ATE1: variants seen among roughly 807,000 people sequenced by gnomAD.
ATE1 encodes arginyltransferase 1.
ATE1 carries 36 observed loss-of-function variants against 70.5 expected under a neutral mutation model. That is an observed-to-expected ratio of 0.51 (90% CI 0.39 to 0.67). The LOEUF (loss-of-function observed/expected upper bound fraction) is 0.67. Among genes scored for constraint, ATE1 ranks in the 30% least tolerant of loss-of-function variants. The probability of loss-of-function intolerance (pLI) is 0.00; values close to 1 mark genes in which losing one functional copy is unlikely to be tolerated. For synonymous variants in ATE1, 232 were observed against 219.3 expected, an observed-to-expected ratio of 1.06 and a Z score of -0.51; for missense variants, 593 against 629.5, an observed-to-expected ratio of 0.94 and a Z score of 0.62.
At chr10:121,762,047 T>C (rs1207496303) in intron 11 of ATE1, among the ~76,000 whole-genome samples, 1 of 152,200 alleles carries the variant, frequency 6.6e-6, no homozygotes, top group East Asian at 1.9e-4. Context: ...CTTCACTCTG[T>C]TCACTGAAGT....
chr10:121,839,223 G>C (rs1260308285), intron 9 of ATE1, among the ~76,000 whole-genome samples: 4 of 152,254 alleles, frequency 2.6e-5, no homozygotes, highest in African/African-American at 9.6e-5. Context: ...TATTTGCAGG[G>C]ATATACAAGG....
rs1207161454 is a variant in ATE1 at position 121,922,373 on chromosome 10, G to A, written c.209C>T (p.Thr70Ile). 1 of 1,598,966 alleles carries A rather than the reference G, an allele frequency of 6.3e-7. No individual in the cohort carries two copies. The highest frequency in any genetic ancestry group is 1.7e-5 in the Admixed American group (1 of 59,606). ...KYVYKPVMNQ[T>I]CCPQYTIRCR... ...CCTTATTGTGTACTGAGGACAACAT[G>A]TTTGATTCATGACAGGTTTGTACAC... Residue 70 changes from threonine to isoleucine, a missense_variant, in exon 3 of 12, where the codon ACA becomes ATA. By Grantham distance (89) the Thr-to-Ile change is moderately conservative. Around this residue, in one of 3 missense-constraint regions of ATE1, gnomAD observed 467 missense variants for 469.6 expected, o/e 0.99. Transcript: ENST00000224652.
intron 8 of ATE1, among the ~76,000 whole-genome samples, chr10:121,858,034 G>C (rs1433246955): frequency 6.6e-6 from 1 of 152,110 alleles, no homozygotes; most frequent in Non-Finnish European, 1.5e-5. Context: ...TCCTTTTTAA[G>C]GCTGAATAAT....
intron 8 of ATE1, among the ~76,000 whole-genome samples, chr10:121,853,218 G>A (rs1949121298): frequency 6.6e-6 from 1 of 151,964 alleles, no homozygotes; most frequent in East Asian, 1.9e-4. Flanking sequence ...CAAAAAATTA[G>A]CCGGGCATGG....
chr10:121,913,386 T>C (rs951446961), intron 4 of ATE1, among the ~76,000 whole-genome samples: 2 of 152,244 alleles, frequency 1.3e-5, no homozygotes, highest in African/African-American at 2.4e-5. Flanking sequence ...CTGATCTTTA[T>C]TCAGCATTAA....
intron 11 of ATE1, among the ~76,000 whole-genome samples, chr10:121,767,877 T>C (rs1453630148): frequency 6.6e-6 from 1 of 152,166 alleles, no homozygotes; most frequent in Non-Finnish European, 1.5e-5. Context: ...TCTAGGAGTA[T>C]ATACAAAAGA....
At chr10:121,921,282 C>A (rs976630186) in intron 3 of ATE1, among the ~76,000 whole-genome samples, 2 of 151,654 alleles carry the variant, frequency 1.3e-5, no homozygotes, top group African/African-American at 4.8e-5. Flanking sequence ...TGTCTGAGTA[C>A]CCAAGGTTTA....
In ATE1 at chr10:121,811,874, G is replaced by T. The variant is rs115389301; in HGVS notation, c.1258-21585C>A. Reference sequence around the variant, plus strand: ...TGAGAGCTAGGGGCAATGTAACTACGTGGTGCTATACTGGAATATAAGACC... The same window carrying T: ...TGAGAGCTAGGGGCAATGTAACTACTTGGTGCTATACTGGAATATAAGACC... On this transcript the variant is annotated intron_variant, in intron 10 of 11. Coordinates refer to ENST00000224652, the MANE Select transcript of ATE1 (RefSeq NM_001001976.3). Among the ~76,000 whole-genome samples the T allele has an allele frequency of 2.4e-3, 362 of 151,650 alleles. 3 individuals carry two copies. Among genetic ancestry groups the T allele is most frequent in the African/African-American group, 8.3e-3 (345 of 41,328 alleles).
intron 7 of ATE1, chr10:121,898,726 G>A: frequency 8.1e-7 from 1 of 1,235,000 alleles, no homozygotes; most frequent in Non-Finnish European, 1.1e-6. Flanking sequence ...AGTGTTCACA[G>A]AAGTTCAGTA....
intron 10 of ATE1, among the ~76,000 whole-genome samples, chr10:121,830,275 A>T (rs555619199): frequency 6.6e-6 from 1 of 152,126 alleles, no homozygotes; most frequent in South Asian, 2.1e-4. Flanking sequence ...ATCATGGGAG[A>T]ACTGCCCTCG....
In ATE1 at chr10:121,800,716, G is replaced by A. The variant is rs755693546; in HGVS notation, c.1258-10427C>T. Among the ~76,000 whole-genome samples the A allele has an allele frequency of 2.6e-5, 4 of 152,114 alleles. No homozygotes were observed. The South Asian group carries it at 6.2e-4, about 24-fold the overall frequency. Reference sequence around the variant, plus strand: ...TTTAAGTCTTTTATCATGTAAAGTTGACACTAGTATCCCAATTTTCTACAA... The same window carrying A: ...TTTAAGTCTTTTATCATGTAAAGTTAACACTAGTATCCCAATTTTCTACAA... On this transcript the variant is annotated intron_variant, in intron 10 of 11. Transcript: ENST00000224652.
chr10:121,837,303 A>G (rs1285912885), intron 9 of ATE1, among the ~76,000 whole-genome samples: 3 of 152,222 alleles, frequency 2.0e-5, no homozygotes, highest in Non-Finnish European at 4.4e-5. Flanking sequence ...CACAACTTTA[A>G]TATTTATTTC....
chr10:121,823,311 A>T (rs1157412708), intron 10 of ATE1, among the ~76,000 whole-genome samples: 2 of 152,078 alleles, frequency 1.3e-5, no homozygotes, highest in Non-Finnish European at 2.9e-5. Flanking sequence ...AAAACAAAAC[A>T]AAACAAAACA....
intron 5 of ATE1, among the ~76,000 whole-genome samples, chr10:121,904,954 CAAA>C (rs1371493954): frequency 6.6e-6 from 1 of 152,122 alleles, no homozygotes. Flanking sequence ...AACCAGGTAA[CAAA>C]AGACCATTTC....
At chr10:121,873,887 T>C (rs552037876) in intron 7 of ATE1, among the ~76,000 whole-genome samples, 61 of 151,390 alleles carry the variant, frequency 4.0e-4, no homozygotes, top group Non-Finnish European at 7.7e-4. Flanking sequence ...ATAAATAACA[T>C]TTTTTTTTCC....
intron 9 of ATE1, among the ~76,000 whole-genome samples, chr10:121,840,102 A>T (rs1306285304): frequency 6.6e-6 from 1 of 152,194 alleles, no homozygotes; most frequent in African/African-American, 2.4e-5. Context: ...AAACAGAAAT[A>T]AATAGAGAAA....
At chr10:121,845,416 C>G (rs1948780521) in intron 8 of ATE1, among the ~76,000 whole-genome samples, 1 of 152,108 alleles carries the variant, frequency 6.6e-6, no homozygotes, top group Admixed American at 6.5e-5. Flanking sequence ...TTTAAAAAAT[C>G]ATTTAGGAGT....
intron 10 of ATE1, among the ~76,000 whole-genome samples, chr10:121,807,215 A>C (rs1947131407): frequency 6.6e-6 from 1 of 152,224 alleles, no homozygotes; most frequent in African/African-American, 2.4e-5. Context: ...CAAAGCACTC[A>C]CAACAGAGTT....
intron 8 of ATE1, among the ~76,000 whole-genome samples, chr10:121,844,465 G>C (rs1273354417): frequency 1.3e-5 from 2 of 152,196 alleles, no homozygotes; most frequent in African/African-American, 4.8e-5. Context: ...TAAGGATGCA[G>C]AGTAATAGGA....
Sources: allele counts gnomAD v4.1 joint callset (sites outside exome capture counted in the v4.1 genomes callset), GRCh38; gene constraint gnomAD v4.1.1; regional missense constraint gnomAD v4.1.1; transcripts MANE v1.5; gene names NCBI Gene and HGNC (gene_info 2026-07-23, HGNC 2026-07-21).